Variants in SCN10A observed in about 807,000 individuals in gnomAD.
The protein encoded by SCN10A is sodium voltage-gated channel alpha subunit 10, also known as sodium channel protein type 10 subunit alpha.
In SCN10A, 162 loss-of-function variants were observed where a neutral mutation model predicts 170.7. The observed-to-expected ratio is 0.95, with a 90% CI of 0.84 to 1.08. SCN10A has a LOEUF of 1.08. Among genes scored for constraint, SCN10A ranks in the 50% least tolerant of loss-of-function variants. SCN10A has a pLI of 0.00. For missense variants in SCN10A, 2,527 were observed against 2,436.9 expected (o/e 1.04, Z -0.78); for synonymous variants, 985 against 904.6 (o/e 1.09, Z -1.59).
intron 23 of SCN10A, 67 bp downstream of exon 23, chr3:38,712,093 GA>G: frequency 1.3e-6 from 2 of 1,509,458 alleles, no homozygotes; most frequent in Non-Finnish European, 1.8e-6. Context: ...CATCTTCTGG[GA>G]ACCTAGACTC....
chr3:38,703,012 T>G (rs2063173087), intron 26 of SCN10A, among the ~76,000 whole-genome samples: 1 of 152,200 alleles, frequency 6.6e-6, no homozygotes, highest in Admixed American at 6.5e-5. Context: ...TGCCTTGATC[T>G]GCACATATCT....
At chr3:38,788,928 G>A (rs1559466211) in intron 4 of SCN10A, 28 bp downstream of exon 4, 2 of 1,399,426 alleles carry the variant, frequency 1.4e-6, no homozygotes, top group African/African-American at 1.4e-5. Context: ...AAAAGAGATG[G>A]TACAATAATG....
At chr3:38,748,419 C>A (rs2063714528) in intron 13 of SCN10A, among the ~76,000 whole-genome samples, 1 of 152,152 alleles carries the variant, frequency 6.6e-6, no homozygotes, top group Admixed American at 6.5e-5. Context: ...TAGTTGAATT[C>A]AATTTATGCT....
intron 4 of SCN10A, among the ~76,000 whole-genome samples, chr3:38,783,364 CT>C (rs2064161329): frequency 6.6e-6 from 1 of 152,084 alleles, no homozygotes; most frequent in Admixed American, 6.6e-5. Flanking sequence ...TCTTGCCTTA[CT>C]TTATTGATGC....
chr3:38,793,608 T>TATA, intron 2 of SCN10A, 133 bp downstream of exon 2: 1 of 724,526 alleles, frequency 1.4e-6, no homozygotes, highest in African/African-American at 1.8e-5. Context: ...ATATATATAT[T>TATA]TTTTTTGGTT....
intron 1 of SCN10A, among the ~76,000 whole-genome samples, chr3:38,802,584 CA>C (rs1327830693): frequency 2.6e-5 from 4 of 152,152 alleles, no homozygotes; most frequent in African/African-American, 9.7e-5. Flanking sequence ...GCTGGGAAAA[CA>C]GGCTAGCCAT....
At position 38,702,074 on chromosome 3, in the gene SCN10A, G is replaced by A. The variant is rs759735617; in HGVS notation, c.4422C>T (p.Thr1474=). 1 of 1,576,988 alleles carries A rather than the reference G, an allele frequency of 6.3e-7. No homozygotes were observed. Among genetic ancestry groups the A allele is most frequent in the South Asian group, 1.2e-5 (1 of 84,366 alleles). ...KFQGFVFDIV[T]RQAFDITIMV... Reference sequence around the variant, plus strand: ...TGATGGTGATGTCAAAAGCTTGTCTGGTCACGATGTCAAAGACAAAACCCT... The same window carrying A: ...TGATGGTGATGTCAAAAGCTTGTCTAGTCACGATGTCAAAGACAAAACCCT... Residue 1474 remains threonine, a synonymous_variant, in exon 27 of 28, where the codon ACC becomes ACT. Transcript: ENST00000449082.
chr3:38,780,096 T>C (rs2064122026), intron 4 of SCN10A, among the ~76,000 whole-genome samples: 1 of 152,018 alleles, frequency 6.6e-6, no homozygotes, highest in East Asian at 1.9e-4. Context: ...CTAAAATTAA[T>C]TGAAAATTTC....
intron 5 of SCN10A, among the ~76,000 whole-genome samples, chr3:38,769,933 G>T (rs1361599528): frequency 6.6e-6 from 1 of 152,202 alleles, no homozygotes; most frequent in African/African-American, 2.4e-5. Context: ...TCCCAGCCAT[G>T]GATATCAGCA....
intron 11 of SCN10A, 67 bp downstream of exon 11, chr3:38,755,720 CT>C: frequency 1.3e-6 from 2 of 1,581,704 alleles, no homozygotes; most frequent in South Asian, 2.2e-5. Context: ...CCTCTTCCCA[CT>C]CCAACTCATT....
intron 24 of SCN10A, among the ~76,000 whole-genome samples, chr3:38,710,565 C>T (rs2063262484): frequency 6.6e-6 from 1 of 152,154 alleles, no homozygotes; most frequent in Non-Finnish European, 1.5e-5. Flanking sequence ...GAGTGGCTCA[C>T]ATGAACTGTC....
At chr3:38,705,690 G>A (rs997132956) in intron 26 of SCN10A, among the ~76,000 whole-genome samples, 1 of 152,182 alleles carries the variant, frequency 6.6e-6, no homozygotes, top group African/African-American at 2.4e-5. Flanking sequence ...AAGCTGGGAT[G>A]TCAAAGAGAG....
chr3:38,706,647 T>C (rs185024438), intron 26 of SCN10A, among the ~76,000 whole-genome samples: 56 of 152,326 alleles, frequency 3.7e-4, no homozygotes, highest in Non-Finnish European at 6.5e-4. Flanking sequence ...GGTGATATCA[T>C]GTGTGGTATG....
intron 16 of SCN10A, among the ~76,000 whole-genome samples, chr3:38,727,276 A>G (rs538224121): frequency 1.3e-5 from 2 of 152,218 alleles, no homozygotes; most frequent in Non-Finnish European, 2.9e-5. Context: ...TTGGAAGCAT[A>G]TTTTCCACCA....
chr3:38,771,277 A>G lies in SCN10A; in HGVS notation c.599+2T>C, dbSNP rs746795885. Reference sequence around the variant, plus strand: ...TGCAGATCTGCATAGAGATATACTCACGCCAGGGTAATGACGCTAAAATCC... The same window carrying G: ...TGCAGATCTGCATAGAGATATACTCGCGCCAGGGTAATGACGCTAAAATCC... On this transcript the variant is annotated splice_donor_variant, in intron 5 of 27. Transcript: ENST00000449082. LOFTEE classifies it high-confidence loss of function. 1.9e-6 allele frequency: 3 copies of G among 1,613,860 alleles called. No individual in the cohort carries two copies. Among genetic ancestry groups the G allele is most frequent in the Non-Finnish European group, 2.5e-6 (3 of 1,179,840 alleles).
At chr3:38,706,056 G>T (rs1019506591) in intron 26 of SCN10A, among the ~76,000 whole-genome samples, 1 of 152,132 alleles carries the variant, frequency 6.6e-6, no homozygotes, top group East Asian at 1.9e-4. Flanking sequence ...AGAAAGCTGT[G>T]CCCCTACAGA....
chr3:38,786,858 T>C (rs767635284), intron 4 of SCN10A, among the ~76,000 whole-genome samples: 1 of 152,186 alleles, frequency 6.6e-6, no homozygotes, highest in Non-Finnish European at 1.5e-5. Flanking sequence ...ATGGACTGTC[T>C]ATGCTGTTAC....
chr3:38,706,880 G>A (rs1219508345), intron 26 of SCN10A, among the ~76,000 whole-genome samples: 4 of 152,028 alleles, frequency 2.6e-5, no homozygotes, highest in Non-Finnish European at 4.4e-5. Flanking sequence ...TAGGCGTGGG[G>A]TAGAATATAG....
chr3:38,781,988 G>A (rs62244108), intron 4 of SCN10A, among the ~76,000 whole-genome samples: 31,571 of 151,718 alleles, frequency 0.21, 3,906 homozygotes, highest in Middle Eastern at 0.31. Context: ...AATTAAAACC[G>A]TGTAATACAT....
Sources: allele counts gnomAD v4.1 joint callset (sites outside exome capture counted in the v4.1 genomes callset), GRCh38; gene constraint gnomAD v4.1.1; transcripts MANE v1.5; gene names NCBI Gene and HGNC (gene_info 2026-07-23, HGNC 2026-07-21).